Variants in SHISA9 observed in about 807,000 individuals in gnomAD.
The protein encoded by SHISA9 is protein shisa-9.
Under a neutral mutation model 38.0 loss-of-function variants are expected in SHISA9, and 13 were observed. The ratio of observed to expected loss-of-function variants is 0.34; its 90% confidence interval spans 0.22 to 0.54. The LOEUF is 0.54. Ranked by LOEUF, SHISA9 falls within the 20% of genes least tolerant of loss-of-function variation. The probability of loss-of-function intolerance (pLI) is 0.91; values close to 1 mark genes in which losing one functional copy is unlikely to be tolerated. For missense variants in SHISA9, 538 were observed against 575.8 expected (o/e 0.93, Z 0.67); for synonymous variants, 275 against 242.0 (o/e 1.14, Z -1.27).
the SHISA9 span, among the ~76,000 whole-genome samples, chr16:13,248,945 A>G: frequency 1.9e-3 from 287 of 152,290 alleles, 2 homozygotes; most frequent in African/African-American, 6.1e-3. Flanking sequence ...CAAGCAAGGG[A>G]GCAGGGCTTT....
intron 2 of SHISA9, among the ~76,000 whole-genome samples, chr16:13,181,371 CAA>C (rs1418351965): frequency 7.2e-6 from 1 of 139,546 alleles, no homozygotes; most frequent in African/African-American, 2.7e-5. Context: ...AATGGGAAAT[CAA>C]GAGAAGTGAG....
At chr16:13,022,416 C>T (rs1346412035) in intron 2 of SHISA9, among the ~76,000 whole-genome samples, 1 of 152,050 alleles carries the variant, frequency 6.6e-6, no homozygotes, top group African/African-American at 2.4e-5. Flanking sequence ...ACTGCAACCT[C>T]TGCCTCCCGG....
chr16:13,041,228 G>C (rs2073128374), intron 2 of SHISA9, among the ~76,000 whole-genome samples: 1 of 152,160 alleles, frequency 6.6e-6, no homozygotes, highest in Admixed American at 6.5e-5. Context: ...AATAAATTTT[G>C]TTTCCTCAAT....
At chr16:13,252,983 T>C in the SHISA9 span, among the ~76,000 whole-genome samples, 3,508 of 152,278 alleles carry the variant, frequency 0.023, 130 homozygotes, top group African/African-American at 0.079. Context: ...ACTCCTCTTC[T>C]TTAGCCTCCT....
At chr16:13,114,529 C>G (rs1301190641) in intron 2 of SHISA9, among the ~76,000 whole-genome samples, 1 of 151,202 alleles carries the variant, frequency 6.6e-6, no homozygotes, top group Non-Finnish European at 1.5e-5. Flanking sequence ...CACCCAGGTC[C>G]CCACTACCTC....
chr16:13,517,472 A>T, the SHISA9 span, among the ~76,000 whole-genome samples: 2 of 152,348 alleles, frequency 1.3e-5, no homozygotes, highest in Non-Finnish European at 2.9e-5. Context: ...TATCTCCTGA[A>T]TTAGCCTGAA....
At chr16:13,393,335 G>C in the SHISA9 span, among the ~76,000 whole-genome samples, 1 of 152,146 alleles carries the variant, frequency 6.6e-6, no homozygotes, top group African/African-American at 2.4e-5. Context: ...TTTTCACTTT[G>C]CACTGGGCCC....
At chr16:13,179,994 A>T (rs1240462853) in intron 2 of SHISA9, among the ~76,000 whole-genome samples, 2 of 152,198 alleles carry the variant, frequency 1.3e-5, no homozygotes, top group South Asian at 2.1e-4. Flanking sequence ...GAGAGCTATC[A>T]GGTGGGTAGG....
intron 2 of SHISA9, among the ~76,000 whole-genome samples, chr16:13,109,332 C>T (rs1389915315): frequency 6.6e-6 from 1 of 152,074 alleles, no homozygotes; most frequent in Non-Finnish European, 1.5e-5. Context: ...AGCTAAGATC[C>T]ACTTGTGGTC....
intron 2 of SHISA9, among the ~76,000 whole-genome samples, chr16:13,026,366 C>G (rs1394828602): frequency 6.6e-6 from 1 of 152,318 alleles, no homozygotes; most frequent in South Asian, 2.1e-4. Context: ...AGCATAATGT[C>G]CTCAAGTCTT....
chr16:13,005,463 T>G (rs183363097), intron 2 of SHISA9, among the ~76,000 whole-genome samples: 27 of 152,142 alleles, frequency 1.8e-4, no homozygotes, highest in Non-Finnish European at 2.6e-4. Context: ...GAAAATGAGG[T>G]TCAGAGAAGT....
intron 2 of SHISA9, among the ~76,000 whole-genome samples, chr16:13,157,682 C>T (rs561636410): frequency 4.6e-5 from 7 of 152,110 alleles, no homozygotes; most frequent in Admixed American, 2.0e-4. Context: ...TAAAAAGGGT[C>T]AGGGCAGTTC....
the SHISA9 span, chr16:13,474,407 G>T: frequency 2.0e-5 from 3 of 152,206 alleles, no homozygotes; most frequent in South Asian, 6.2e-4. Context: ...TGCATGTTAT[G>T]TATGTGTCAG....
the SHISA9 span, among the ~76,000 whole-genome samples, chr16:13,331,014 C>T: frequency 2.0e-5 from 3 of 152,118 alleles, no homozygotes; most frequent in African/African-American, 4.8e-5. Context: ...AGTGAGATGA[C>T]CAGTTGCCAC....
At chr16:13,047,536 C>G (rs1474199557) in intron 2 of SHISA9, among the ~76,000 whole-genome samples, 1 of 152,166 alleles carries the variant, frequency 6.6e-6, no homozygotes, top group African/African-American at 2.4e-5. Context: ...AGGTTTGATC[C>G]AGGACCTGGG....
At chr16:13,044,210 C>T (rs147625594) in intron 2 of SHISA9, among the ~76,000 whole-genome samples, 4 of 152,280 alleles carry the variant, frequency 2.6e-5, no homozygotes, top group East Asian at 3.9e-4. Context: ...GTAGAATCCA[C>T]GTGGCACTTA....
At chr16:13,202,259 A>G (rs571503737) in intron 2 of SHISA9, among the ~76,000 whole-genome samples, 2 of 130,176 alleles carry the variant, frequency 1.5e-5, no homozygotes, top group Non-Finnish European at 3.3e-5. Context: ...GTTGCTGAGC[A>G]TGTTGGGTTC....
At chr16:13,195,709 A>G (rs901443314) in intron 2 of SHISA9, among the ~76,000 whole-genome samples, 1 of 152,172 alleles carries the variant, frequency 6.6e-6, no homozygotes, top group Non-Finnish European at 1.5e-5. Flanking sequence ...TATTTTTGCT[A>G]TGTTATGAGA....
At chr16:13,018,247 G>A (rs2072780939) in intron 2 of SHISA9, among the ~76,000 whole-genome samples, 1 of 152,200 alleles carries the variant, frequency 6.6e-6, no homozygotes, top group Non-Finnish European at 1.5e-5. Flanking sequence ...GCTTCCCTTT[G>A]TCATTCATTC....
Sources: allele counts gnomAD v4.1 joint callset (sites outside exome capture counted in the v4.1 genomes callset), GRCh38; gene constraint gnomAD v4.1.1; transcripts MANE v1.5; gene names NCBI Gene and HGNC (gene_info 2026-07-23, HGNC 2026-07-21).